TPRA1: variants seen among roughly 807,000 people sequenced by gnomAD.
The protein encoded by TPRA1 is transmembrane protein adipocyte-associated 1.
TPRA1 carries 28 observed loss-of-function variants against 40.1 expected under a neutral mutation model. That is an observed-to-expected ratio of 0.70 (90% CI 0.52 to 0.96). The LOEUF is 0.96. TPRA1 is among the 40% of genes least tolerant of loss of function. The pLI, the probability that TPRA1 is intolerant of heterozygous loss-of-function variation, is 0.00. For missense variants in TPRA1, 441 were observed against 482.6 expected, an observed-to-expected ratio of 0.91 and a Z score of 0.81; for synonymous variants, 219 against 209.7, an observed-to-expected ratio of 1.04 and a Z score of -0.38.
upstream of TPRA1, among the ~76,000 whole-genome samples, chr3:127,592,173 T>C (rs1301403271): frequency 2.0e-5 from 3 of 152,080 alleles, no homozygotes; most frequent in African/African-American, 7.2e-5. Context: ...CACATCACTC[T>C]CACGCACATT....
chr3:127,579,748 A>G lies in TPRA1; in HGVS notation c.250T>C (p.Tyr84His), dbSNP rs746325881. 6 of 1,614,000 alleles carry G rather than the reference A, an allele frequency of 3.7e-6. No homozygotes were observed. In the African/African-American group the frequency reaches 8.0e-5, roughly 22 times the overall value. ...ITSSPIFITF[Y>H]ILVFVVALVG... ...AACTGCAGTGAACTCACCAGGATGTAGAAGGTGATAAAAATGGGGCTGGAG... is the reference window on the plus strand; with the variant it reads ...AACTGCAGTGAACTCACCAGGATGTGGAAGGTGATAAAAATGGGGCTGGAG... Residue 84 changes from tyrosine (Y) to histidine (H), a missense_variant, in exon 3 of 11, where the codon TAC (tyrosine) becomes CAC (histidine). Tyr to His is a moderately conservative substitution (Grantham distance 83). Coordinates refer to ENST00000355552, the MANE Select transcript of TPRA1 (RefSeq NM_001136053.4).
rs1466649465 is a variant in TPRA1 at position 127,575,407 on chromosome 3, G to C, written c.769C>G (p.Leu257Val). 1 of 1,587,266 alleles carries C rather than the reference G, an allele frequency of 6.3e-7. No homozygotes were observed. The highest frequency in any genetic ancestry group is 8.6e-7 in the Non-Finnish European group (1 of 1,167,114). The change falls in exon 9 of 11, where the codon CTC (leucine) becomes GTC (valine). Residue 257 changes from leucine (L) to valine (V), a missense_variant. By Grantham distance (32) the Leu-to-Val change is conservative. Transcript: ENST00000355552. ...VLLCFDIIEG[L>V]CCVDATTFLY... ...CACCCTGCGGCCCCCACGCACCAGA[G>C]CCCCTCGATGATGTCGAAGCACAGC...
rs760618447 is a variant in TPRA1 at position 127,572,811 on chromosome 3, G to A, written c.*710C>T. Among the ~76,000 whole-genome samples, 26 of 152,326 alleles carry A rather than the reference G, an allele frequency of 1.7e-4. No homozygotes were observed. Among genetic ancestry groups the A allele is most frequent in the Non-Finnish European group, 3.5e-4 (24 of 68,032 alleles). ...CAACAGTGTGTGTCTGACAAAGGGA[G>A]AGGGGCTGGCTCACAAAACATAGTT... On this transcript the variant is annotated 3_prime_UTR_variant, in exon 11 of 11. Transcript: ENST00000355552.
intron 1 of TPRA1, among the ~76,000 whole-genome samples, chr3:127,597,474 C>A (rs1419367916): frequency 6.6e-6 from 1 of 152,208 alleles, no homozygotes; most frequent in African/African-American, 2.4e-5. Context: ...ACATCTAGCT[C>A]TTTTTTGATC....
chr3:127,593,566 C>T (rs1576405279), upstream of TPRA1, among the ~76,000 whole-genome samples: 1 of 152,138 alleles, frequency 6.6e-6, no homozygotes, highest in East Asian at 1.9e-4. Flanking sequence ...ACTATCACCA[C>T]CACCCACCCC....
At chr3:127,583,322 A>G (rs1200319888) in intron 1 of TPRA1, among the ~76,000 whole-genome samples, 1 of 151,502 alleles carries the variant, frequency 6.6e-6, no homozygotes, top group African/African-American at 2.4e-5. Flanking sequence ...TCAGAAAAAA[A>G]AAAAAAGAAA....
chr3:127,598,146 G>A (rs754392435), exon 1 of TPRA1: 7 of 469,028 alleles, frequency 1.5e-5, no homozygotes, highest in Non-Finnish European at 2.3e-5. Flanking sequence ...TGTGACCGAG[G>A]TCACGCAGCC....
rs113772127 is a variant in TPRA1 at position 127,583,360 on chromosome 3, T to G, written c.-17-3197A>C. Among the ~76,000 whole-genome samples, 1,231 of 150,446 alleles carry G rather than the reference T, an allele frequency of 8.2e-3. 14 individuals are homozygous for G. The highest frequency in any genetic ancestry group is 0.026 in the African/African-American group (1,067 of 41,032). ...AACAAACACAAAACTTAGCCAGGTA[T>G]AGTGGTGCATACCTGTAGTCCCAGC... On this transcript the variant is annotated intron_variant, in intron 1 of 10. Coordinates refer to ENST00000355552, the MANE Select transcript of TPRA1 (RefSeq NM_001136053.4).
At chr3:127,593,700 G>C (rs1445186801), upstream of TPRA1, among the ~76,000 whole-genome samples, 1 of 152,176 alleles carries the variant, frequency 6.6e-6, no homozygotes, top group Non-Finnish European at 1.5e-5. Context: ...TAATTCATCA[G>C]TCTGACCTTA....
chr3:127,576,950 G>A lies in TPRA1; in HGVS notation c.345+40C>T. ...GACCAGCATCCCCAGCCCACCCCAG[G>A]CCAGGCCTCCCTGGCCTCCCTCAGA... is the stretch of plus-strand genomic sequence containing the variant. On this transcript the variant is annotated intron_variant, in intron 4 of 10. Transcript: ENST00000355552. This position sits in a 1 kb window ranked among gnomAD's most constrained non-coding sequence, Gnocchi z 4.6. The A allele has an allele frequency of 6.2e-7, 1 of 1,613,502 alleles. No homozygotes were observed. Among genetic ancestry groups the A allele is most frequent in the Admixed American group, 1.7e-5 (1 of 60,022 alleles).
At chr3:127,584,149 A>AG (rs1669567059) in intron 1 of TPRA1, among the ~76,000 whole-genome samples, 1 of 150,808 alleles carries the variant, frequency 6.6e-6, no homozygotes, top group African/African-American at 2.4e-5. Context: ...AAAAAAAAAA[A>AG]GCAAACTTGA....
chr3:127,597,728 C>A (rs143379133), intron 1 of TPRA1, among the ~76,000 whole-genome samples: 105 of 152,324 alleles, frequency 6.9e-4, no homozygotes, highest in African/African-American at 2.4e-3. Flanking sequence ...AAGTATTGAG[C>A]CTTTGAGCTT....
At chr3:127,575,655 T>C (rs781664223) in intron 8 of TPRA1, 94 bp downstream of exon 8, 42 of 1,546,898 alleles carry the variant, frequency 2.7e-5, no homozygotes, top group Non-Finnish European at 3.3e-5. Flanking sequence ...AGCCTGGAAC[T>C]CTACAGCTCC....
At chr3:127,573,844 T>C in intron 10 of TPRA1, 56 bp from the exon 11 acceptor site, 1 of 1,513,106 alleles carries the variant, frequency 6.6e-7, no homozygotes, top group Non-Finnish European at 8.9e-7. Context: ...AGGAAGAGCC[T>C]TCCTCTCCAG....
chr3:127,573,881 G>A, intron 10 of TPRA1, 93 bp from the exon 11 acceptor site: 1 of 1,451,022 alleles, frequency 6.9e-7, no homozygotes, highest in Non-Finnish European at 9.1e-7. Flanking sequence ...GATAAGGAAG[G>A]AATTGACCAA....
At chr3:127,574,623 T>A (rs1005180774) in intron 10 of TPRA1, among the ~76,000 whole-genome samples, 2 of 152,250 alleles carry the variant, frequency 1.3e-5, no homozygotes, top group Non-Finnish European at 2.9e-5. Context: ...CTTCTGGCTC[T>A]AGCAGTGTCT....
chr3:127,586,581 A>G (rs192812448), intron 1 of TPRA1, among the ~76,000 whole-genome samples: 145 of 152,204 alleles, frequency 9.5e-4, no homozygotes, highest in Admixed American at 4.6e-3. Flanking sequence ...CTGGTCTAGA[A>G]CTCTGGACCT....
chr3:127,590,215 C>T (rs978337174), intron 1 of TPRA1, among the ~76,000 whole-genome samples, 195 bp downstream of exon 1: 1 of 152,174 alleles, frequency 6.6e-6, no homozygotes, highest in African/African-American at 2.4e-5. Context: ...CCCGACTGCC[C>T]GGCACCCCTC....
intron 10 of TPRA1, 106 bp from the exon 11 acceptor site, chr3:127,573,894 G>A (rs568410483): frequency 7.2e-7 from 1 of 1,394,166 alleles, no homozygotes; most frequent in Non-Finnish European, 9.5e-7. Context: ...TTGACCAACA[G>A]TCGCCTGACA....
Sources: gnomAD v4.1 joint callset for allele counts (sites outside exome capture counted in the v4.1 genomes callset) on GRCh38, gnomAD v4.1.1 for gene constraint, Gnocchi (gnomAD v3.1) non-coding constraint, MANE v1.5 for transcripts, NCBI Gene and HGNC (gene_info 2026-07-23, HGNC 2026-07-21) for gene names.